Variants in SNX9 observed in about 807,000 individuals in gnomAD.
The protein encoded by SNX9 is sorting nexin-9.
SNX9 carries 44 observed loss-of-function variants against 89.4 expected under a neutral mutation model. The ratio of observed to expected loss-of-function variants is 0.49; its 90% CI spans 0.39 to 0.63. The LOEUF (loss-of-function observed/expected upper bound fraction) is 0.63. Among genes scored for constraint, SNX9 ranks in the 30% least tolerant of loss-of-function variants. SNX9 has a pLI of 0.00. For synonymous variants in SNX9, 236 were observed against 247.8 expected (o/e 0.95, Z 0.45); for missense variants, 578 against 736.1 (o/e 0.79, Z 2.49).
chr6:157,908,000 T>C (rs564799049), intron 7 of SNX9, among the ~76,000 whole-genome samples: 1 of 152,320 alleles, frequency 6.6e-6, no homozygotes, highest in African/African-American at 2.4e-5. Context: ...TAGTCTCTTT[T>C]TAAACTACTC....
At chr6:157,899,706 G>A (rs914598525) in intron 5 of SNX9, among the ~76,000 whole-genome samples, 1 of 152,074 alleles carries the variant, frequency 6.6e-6, no homozygotes, top group Non-Finnish European at 1.5e-5. Flanking sequence ...CCCAGGAGGC[G>A]GAGCTTGCAG....
At chr6:157,842,934 G>A (rs1326701109) in intron 1 of SNX9, among the ~76,000 whole-genome samples, 2 of 152,182 alleles carry the variant, frequency 1.3e-5, no homozygotes, top group African/African-American at 4.8e-5. Flanking sequence ...GGTCTTTTCA[G>A]GAAAGGGCTG....
In SNX9 at chr6:157,896,900, G is replaced by T. The variant is rs370786059; in HGVS notation, c.374G>T (p.Trp125Leu). ...GGGAACTGGGAAAGCTCAGAAGGCT[G>T]GGGGGCCCAGCCAGAGGGGGCTGGA... Reference protein sequence around the residue: ...KSGNWESSEGWGAQPEGAGAQ... With the variant: ...KSGNWESSEGLGAQPEGAGAQ... The change falls in exon 5 of 18, where the codon TGG (tryptophan) becomes TTG (leucine). Residue 125 changes from tryptophan (W) to leucine (L), a missense_variant. Physicochemically the swap from Trp to Leu is moderately conservative, Grantham distance 61. This residue lies in a region of SNX9 where 230 missense variants were observed against 244.7 expected (regional missense o/e 0.94). Transcript: ENST00000392185. 4 of 1,613,040 alleles carry T rather than the reference G, an allele frequency of 2.5e-6. No homozygotes were observed. Among genetic ancestry groups the T allele is most frequent in the Non-Finnish European group, 3.4e-6 (4 of 1,179,630 alleles).
At chr6:157,894,427 A>G (rs909937261) in intron 4 of SNX9, among the ~76,000 whole-genome samples, 1 of 140,906 alleles carries the variant, frequency 7.1e-6, no homozygotes, top group Non-Finnish European at 1.5e-5. Flanking sequence ...TATTTGTTTT[A>G]CTTAACTCAG....
chr6:157,916,983 A>G (rs137928309), intron 9 of SNX9, among the ~76,000 whole-genome samples: 2 of 152,312 alleles, frequency 1.3e-5, no homozygotes, highest in Non-Finnish European at 2.9e-5. Context: ...TAGAATTGAT[A>G]CTGTTCTATA....
At chr6:157,877,759 T>G (rs1162213880) in intron 4 of SNX9, among the ~76,000 whole-genome samples, 2 of 151,924 alleles carry the variant, frequency 1.3e-5, no homozygotes, top group African/African-American at 4.8e-5. Context: ...ACATCCCCTC[T>G]CAGGCATGCA....
At chr6:157,890,818 G>A (rs1400510385) in intron 4 of SNX9, among the ~76,000 whole-genome samples, 1 of 152,080 alleles carries the variant, frequency 6.6e-6, no homozygotes, top group East Asian at 1.9e-4. Flanking sequence ...AAAATTTCAA[G>A]CATAGAAGAG....
At chr6:157,923,271 A>T (rs1299237342) in intron 10 of SNX9, among the ~76,000 whole-genome samples, 2 of 152,220 alleles carry the variant, frequency 1.3e-5, no homozygotes, top group Admixed American at 6.5e-5. Flanking sequence ...ACTACATAGA[A>T]ACTATGATTC....
At chr6:157,865,609 A>C (rs1282183179) in intron 1 of SNX9, among the ~76,000 whole-genome samples, 1 of 152,244 alleles carries the variant, frequency 6.6e-6, no homozygotes, top group African/African-American at 2.4e-5. Context: ...AATTTCAGAC[A>C]TGGAGAAAGG....
intron 9 of SNX9, among the ~76,000 whole-genome samples, chr6:157,915,116 G>A (rs1783434088): frequency 6.6e-6 from 1 of 152,038 alleles, no homozygotes; most frequent in African/African-American, 2.4e-5. Context: ...GTATTTGTTG[G>A]TTTATTTCTG....
intron 1 of SNX9, among the ~76,000 whole-genome samples, chr6:157,855,194 A>G (rs1487625088): frequency 2.0e-5 from 3 of 152,146 alleles, no homozygotes; most frequent in Non-Finnish European, 4.4e-5. Context: ...ATACATATAT[A>G]TTAGAGATCA....
At position 157,940,974 on chromosome 6, in the gene SNX9, G is replaced by A. The variant is rs770431378; in HGVS notation, c.1740G>A (p.Thr580=). The A allele has an allele frequency of 1.1e-5, 17 of 1,613,854 alleles. No individual in the cohort carries two copies. The highest frequency in any genetic ancestry group is 1.7e-5 in the Admixed American group (1 of 60,004). ...AGCAGCAAGTGCAATTTTACGAAAC[G>A]GTGAGTGGGCGTCCACGTGCCTTTC... ...YLEQQVQFYE[T]IAEKLRQALS... is the part of the protein sequence containing the mutation. The change falls in exon 17 of 18, where the codon ACG becomes ACA. Residue 580 remains threonine (T), a splice_region_variant and synonymous_variant. Coordinates refer to ENST00000392185, the MANE Select transcript of SNX9 (RefSeq NM_016224.5).
At chr6:157,930,949 A>G (rs1783798583) in intron 12 of SNX9, among the ~76,000 whole-genome samples, 1 of 152,202 alleles carries the variant, frequency 6.6e-6, no homozygotes, top group African/African-American at 2.4e-5. Context: ...TTTTTTAAGG[A>G]TATCATAAAA....
intron 1 of SNX9, among the ~76,000 whole-genome samples, chr6:157,864,805 A>G (rs1431160698): frequency 6.6e-6 from 1 of 151,666 alleles, no homozygotes; most frequent in Non-Finnish European, 1.5e-5. Flanking sequence ...CGAGGCGGGC[A>G]GATCATGAGG....
intron 4 of SNX9, among the ~76,000 whole-genome samples, chr6:157,894,106 C>T (rs114898869): frequency 3.1e-4 from 28 of 89,508 alleles, no homozygotes; most frequent in South Asian, 3.9e-4. Flanking sequence ...CTTTTCTTTT[C>T]TTTTTTTTTT....
intron 1 of SNX9, among the ~76,000 whole-genome samples, chr6:157,855,373 G>A (rs1233965825): frequency 1.3e-5 from 2 of 152,166 alleles, no homozygotes; most frequent in Non-Finnish European, 2.9e-5. Flanking sequence ...ATATATGTCA[G>A]TTTGCAAAAG....
intron 1 of SNX9, among the ~76,000 whole-genome samples, chr6:157,858,299 T>C (rs1255260210): frequency 2.0e-5 from 3 of 150,152 alleles, no homozygotes; most frequent in Non-Finnish European, 4.4e-5. Context: ...CAGGCTGGAG[T>C]GCAATGGCGC....
At chr6:157,929,735 A>AAAAAAAGAAAACAATC (rs1783770339) in intron 12 of SNX9, among the ~76,000 whole-genome samples, 2 of 152,162 alleles carry the variant, frequency 1.3e-5, no homozygotes, top group South Asian at 4.1e-4. Context: ...TTTTTACACT[A>AAAAAAAGAAAACAATC]AAAAAAGAAA....
At chr6:157,925,179 T>G (rs1271543785) in intron 10 of SNX9, among the ~76,000 whole-genome samples, 2 of 152,102 alleles carry the variant, frequency 1.3e-5, no homozygotes, top group Non-Finnish European at 2.9e-5. Flanking sequence ...GTAAGCCCAG[T>G]GGAAAAATAG....
Sources: allele counts gnomAD v4.1 joint callset (sites outside exome capture counted in the v4.1 genomes callset), GRCh38; gene constraint gnomAD v4.1.1; regional missense constraint gnomAD v4.1.1; transcripts MANE v1.5; gene names NCBI Gene and HGNC (gene_info 2026-07-23, HGNC 2026-07-21).